RGS8: variants seen among roughly 807,000 people sequenced by gnomAD.
The protein encoded by RGS8 is regulator of G-protein signaling 8.
In RGS8, 8 loss-of-function variants were observed where a neutral mutation model predicts 21.7. The observed-to-expected ratio is 0.37, with a 90% CI of 0.22 to 0.66. The LOEUF (loss-of-function observed/expected upper bound fraction) is 0.66, where lower values mean the gene tolerates loss of function less well. RGS8 is among the 30% of genes least tolerant of loss of function. The pLI, the probability that RGS8 is intolerant of heterozygous loss-of-function variation, is 0.59. For synonymous variants in RGS8, 80 were observed against 83.6 expected, an observed-to-expected ratio of 0.96 and a Z score of 0.24; for missense variants, 157 against 217.9, an observed-to-expected ratio of 0.72 and a Z score of 1.76.
chr1:182,662,880 T>C (rs1168896541), intron 5 of RGS8, among the ~76,000 whole-genome samples: 2 of 152,104 alleles, frequency 1.3e-5, no homozygotes, highest in Non-Finnish European at 2.9e-5. Context: ...GGTACATCTT[T>C]TTAAACATAA....
At chr1:182,711,704 G>A in the RGS8 span, among the ~76,000 whole-genome samples, 1 of 152,192 alleles carries the variant, frequency 6.6e-6, no homozygotes, top group Non-Finnish European at 1.5e-5. Flanking sequence ...TCTACCAGGA[G>A]CTCAAGGCCT....
intron 2 of RGS8, 138 bp downstream of exon 3, chr1:182,671,518 GA>G (rs980392609): frequency 1.0e-5 from 7 of 702,546 alleles, no homozygotes; most frequent in Non-Finnish European, 1.7e-5. Context: ...GATTTACAAA[GA>G]GGGGGAGAGA....
chr1:182,660,689 G>A (rs1663542215), intron 5 of RGS8, among the ~76,000 whole-genome samples: 1 of 149,932 alleles, frequency 6.7e-6, no homozygotes. Context: ...TTCTTGGAAA[G>A]CACAGGCCAC....
At chr1:182,732,953 A>G in the RGS8 span, among the ~76,000 whole-genome samples, 22 of 152,232 alleles carry the variant, frequency 1.4e-4, no homozygotes, top group Non-Finnish European at 2.2e-4. Context: ...AAGCCATCAC[A>G]GCTTAATGCA....
chr1:182,655,873 T>C (rs1663250366), intron 5 of RGS8, among the ~76,000 whole-genome samples: 1 of 152,204 alleles, frequency 6.6e-6, no homozygotes, highest in Non-Finnish European at 1.5e-5. Context: ...GCCCAGTTTA[T>C]ATACATTAAC....
At chr1:182,741,314 A>C in the RGS8 span, among the ~76,000 whole-genome samples, 3 of 97,480 alleles carry the variant, frequency 3.1e-5, no homozygotes, top group African/African-American at 4.4e-5. Flanking sequence ...TGGGGGGCTG[A>C]CCCCCCACCT....
At position 182,661,279 on chromosome 1, in the gene RGS8, A is replaced by G. The variant is rs945829394; in HGVS notation, c.193+4690T>C. On this transcript the variant is annotated intron_variant, in intron 5 of 6. Coordinates refer to ENST00000483095, the Ensembl canonical transcript of RGS8. The stretch of plus-strand genomic sequence containing the variant: ...TTTTAACTGTACTATCCATTAACCC[A>G]GCATTCCCTGGGCCTGGTGGGATAG... Among the ~76,000 whole-genome samples, 6 of 152,058 alleles carry G rather than the reference A, an allele frequency of 3.9e-5. No homozygotes were observed. In the South Asian group the frequency reaches 8.3e-4, roughly 21 times the overall value.
downstream of RGS8, chr1:182,644,831 G>A (rs1002945190): frequency 7.2e-5 from 11 of 152,132 alleles, no homozygotes; most frequent in African/African-American, 2.2e-4. Flanking sequence ...TTTAACCACG[G>A]TTGGGAGGAT....
chr1:182,712,204 G>T, the RGS8 span, among the ~76,000 whole-genome samples: 1 of 152,192 alleles, frequency 6.6e-6, no homozygotes, highest in African/African-American at 2.4e-5. Context: ...TTATCATCAT[G>T]TGCCAATCCT....
chr1:182,655,877 C>T (rs760360920), intron 5 of RGS8, among the ~76,000 whole-genome samples: 1 of 152,172 alleles, frequency 6.6e-6, no homozygotes, highest in Non-Finnish European at 1.5e-5. Flanking sequence ...AGTTTATATA[C>T]ATTAACTCAA....
At chr1:182,659,744 A>G (rs772788926) in intron 5 of RGS8, among the ~76,000 whole-genome samples, 1 of 152,158 alleles carries the variant, frequency 6.6e-6, no homozygotes, top group Non-Finnish European at 1.5e-5. Flanking sequence ...TCCATAGCCT[A>G]AAAGATTTTG....
chr1:182,715,865 G>A, the RGS8 span, among the ~76,000 whole-genome samples: 1 of 152,092 alleles, frequency 6.6e-6, no homozygotes, highest in Admixed American at 6.5e-5. Context: ...TGTATTGAGA[G>A]CTTTGTATGT....
upstream of RGS8, chr1:182,672,042 G>A (rs1323085022): frequency 1.5e-5 from 8 of 533,804 alleles, no homozygotes; most frequent in Admixed American, 4.3e-5. Flanking sequence ...CTAACCTGAA[G>A]CTCCTCTGGC....
chr1:182,699,448 A>T, the RGS8 span, among the ~76,000 whole-genome samples: 2 of 152,346 alleles, frequency 1.3e-5, no homozygotes, highest in African/African-American at 4.8e-5. Context: ...CCTCAGTGGC[A>T]GGGGGCCAAG....
chr1:182,677,440 T>C (rs1050569234), upstream of RGS8, among the ~76,000 whole-genome samples: 2 of 152,228 alleles, frequency 1.3e-5, no homozygotes. Context: ...TACTTCCTCA[T>C]TTTACATAGA....
chr1:182,689,186 T>C (rs936721720), upstream of RGS8, among the ~76,000 whole-genome samples: 1 of 152,070 alleles, frequency 6.6e-6, no homozygotes, highest in Non-Finnish European at 1.5e-5. Context: ...CTTTGCCTTT[T>C]AGTGAAATGT....
At chr1:182,725,092 C>T in the RGS8 span, among the ~76,000 whole-genome samples, 1 of 152,022 alleles carries the variant, frequency 6.6e-6, no homozygotes, top group African/African-American at 2.4e-5. Flanking sequence ...GAGGGGGTTT[C>T]CTTATTATGC....
the RGS8 span, among the ~76,000 whole-genome samples, chr1:182,695,963 A>G: frequency 3.3e-5 from 5 of 152,224 alleles, no homozygotes; most frequent in Non-Finnish European, 7.3e-5. Flanking sequence ...ATAGTGCTCA[A>G]TATGAATTTT....
At chr1:182,750,298 A>T in the RGS8 span, among the ~76,000 whole-genome samples, 1 of 152,138 alleles carries the variant, frequency 6.6e-6, no homozygotes, top group Admixed American at 6.5e-5. Flanking sequence ...CCATGTCCAC[A>T]TTTTTTAGTT....
Sources: allele counts gnomAD v4.1 joint callset (sites outside exome capture counted in the v4.1 genomes callset), GRCh38; gene constraint gnomAD v4.1.1; transcripts MANE v1.5; gene names NCBI Gene and HGNC (gene_info 2026-07-23, HGNC 2026-07-21).